The following PAX3 variants were observed in gnomAD, a reference collection of about 807,000 sequenced individuals.
The protein encoded by PAX3 is paired box protein Pax-3.
In PAX3, 14 loss-of-function variants were observed where a neutral mutation model predicts 51.6. The ratio of observed to expected loss-of-function variants is 0.27; its 90% CI spans 0.18 to 0.42. PAX3 has a LOEUF of 0.42. Among genes scored for constraint, PAX3 ranks in the 10% least tolerant of loss-of-function variants. The pLI is 1.00. For synonymous variants in PAX3, 280 were observed against 253.4 expected, an observed-to-expected ratio of 1.11 and a Z score of -1.00; for missense variants, 540 against 642.8, an observed-to-expected ratio of 0.84 and a Z score of 1.73.
At chr2:222,251,494 T>C (rs1693431268) in intron 4 of PAX3, among the ~76,000 whole-genome samples, 1 of 152,232 alleles carries the variant, frequency 6.6e-6, no homozygotes, top group Non-Finnish European at 1.5e-5. Flanking sequence ...CACATTTTCT[T>C]AATCCAGTCT....
chr2:222,286,377 T>A (rs1694834873), intron 4 of PAX3, among the ~76,000 whole-genome samples: 2 of 152,230 alleles, frequency 1.3e-5, no homozygotes, highest in South Asian at 4.1e-4. Flanking sequence ...TAAGAAAGTA[T>A]AGTCAAGGAA....
intron 4 of PAX3, among the ~76,000 whole-genome samples, chr2:222,271,845 T>G (rs1425330092): frequency 6.6e-6 from 1 of 152,202 alleles, no homozygotes; most frequent in East Asian, 1.9e-4. Flanking sequence ...GCTTCTGAAA[T>G]TCAGTTCCAC....
At chr2:222,205,086 A>C (rs1212064177) in intron 7 of PAX3, among the ~76,000 whole-genome samples, 1 of 152,222 alleles carries the variant, frequency 6.6e-6, no homozygotes, top group African/African-American at 2.4e-5. Context: ...CCTATAAGCA[A>C]AAATCAGCTT....
rs577951528 is a variant in PAX3, at chr2:222,273,695, C to T, written c.586+20472G>A. On this transcript the variant is annotated intron_variant, in intron 4 of 8. Coordinates refer to ENST00000392070, the MANE Select transcript of PAX3 (RefSeq NM_181458.4). Reference sequence around the variant, plus strand: ...AATTAATATTCAATTGTATTTAAAGCTGCACAAAGCTTAGCAGAAATGATT... The same window carrying T: ...AATTAATATTCAATTGTATTTAAAGTTGCACAAAGCTTAGCAGAAATGATT... Among the ~76,000 whole-genome samples the T allele has an allele frequency of 2.0e-5, 3 of 152,320 alleles. No individual in the cohort carries two copies. The South Asian group carries it at 6.2e-4, about 32-fold the overall frequency.
chr2:222,269,868 G>A (rs1025998395), intron 4 of PAX3, among the ~76,000 whole-genome samples: 1 of 152,164 alleles, frequency 6.6e-6, no homozygotes, highest in Non-Finnish European at 1.5e-5. Flanking sequence ...ATGTGCTAGT[G>A]AGCTCAAGAC....
intron 5 of PAX3, among the ~76,000 whole-genome samples, chr2:222,230,562 T>A (rs1307231366): frequency 2.0e-5 from 3 of 151,906 alleles, no homozygotes; most frequent in African/African-American, 7.3e-5. Flanking sequence ...TAAAGTATAA[T>A]TTTTTAAAAA....
At position 222,221,157 on chromosome 2, in the gene PAX3, TA is replaced by T. The variant is rs1692176423; in HGVS notation, c.958+64del. The stretch of plus-strand genomic sequence containing the variant: ...AGTACTGCAGAAGGATTCACTTGTA[TA>T]AAATATCCACCAGAGAAATCGCCTG... On this transcript the variant is annotated intron_variant, in intron 6 of 8. Transcript: ENST00000392070. 3 of 1,485,480 alleles carry T rather than the reference TA, an allele frequency of 2.0e-6. No individual in the cohort carries two copies. In the African/African-American group the frequency reaches 4.1e-5, roughly 21 times the overall value. 92.0% of individuals were successfully genotyped at this position (1,485,480 alleles called of 1,614,324 possible). A position where few individuals can be genotyped will look rare whatever the true frequency, so the allele number is the denominator to read the frequency against.
chr2:222,249,651 C>T (rs962945763), intron 4 of PAX3, among the ~76,000 whole-genome samples: 2 of 152,162 alleles, frequency 1.3e-5, no homozygotes, highest in African/African-American at 4.8e-5. Flanking sequence ...CACATGACCA[C>T]GTGACACATT....
At chr2:222,295,028 C>A (rs901823241) in intron 3 of PAX3, among the ~76,000 whole-genome samples, 1 of 151,944 alleles carries the variant, frequency 6.6e-6, no homozygotes, top group Non-Finnish European at 1.5e-5. Flanking sequence ...TCGCTGGCCC[C>A]GTGCTTGCCC....
chr2:222,261,101 G>GT (rs1693846221), intron 4 of PAX3, among the ~76,000 whole-genome samples: 1 of 152,150 alleles, frequency 6.6e-6, no homozygotes, highest in African/African-American at 2.4e-5. Context: ...TCAATATACA[G>GT]TTTTTTCAAA....
intron 4 of PAX3, among the ~76,000 whole-genome samples, chr2:222,275,720 T>C (rs73063741): frequency 0.099 from 15,090 of 152,262 alleles, 816 homozygotes; most frequent in South Asian, 0.17. Context: ...AAATATTTCT[T>C]ACATTCTTTC....
intron 4 of PAX3, among the ~76,000 whole-genome samples, chr2:222,278,291 C>G (rs1052641269): frequency 1.3e-5 from 2 of 152,074 alleles, no homozygotes; most frequent in Non-Finnish European, 2.9e-5. Flanking sequence ...AAGCCTCCCC[C>G]ACCCCCAGCC....
At chr2:222,287,647 C>T (rs974492879) in intron 4 of PAX3, 1 of 152,216 alleles carries the variant, frequency 6.6e-6, no homozygotes, top group Non-Finnish European at 1.5e-5. Flanking sequence ...GGAACCATAA[C>T]AAATCTGAGC....
chr2:222,224,768 A>AT (rs1279920772), intron 5 of PAX3, among the ~76,000 whole-genome samples: 1 of 152,168 alleles, frequency 6.6e-6, no homozygotes, highest in Non-Finnish European at 1.5e-5. Flanking sequence ...GCAGAATGGC[A>AT]TGTGTGAGTG....
intron 4 of PAX3, among the ~76,000 whole-genome samples, chr2:222,279,304 C>CGTGT (rs57076966): frequency 0.23 from 34,710 of 147,920 alleles, 4,416 homozygotes; most frequent in South Asian, 0.5. Flanking sequence ...CAAGCCTGTG[C>CGTGT]GTGTGTGTGT....
At chr2:222,293,366 C>A (rs1695116849) in intron 4 of PAX3, among the ~76,000 whole-genome samples, 1 of 152,084 alleles carries the variant, frequency 6.6e-6, no homozygotes, top group Non-Finnish European at 1.5e-5. Flanking sequence ...GCGTTTGTAC[C>A]CTTAAAGTTT....
In PAX3 at chr2:222,216,723, CACAGAGAGAG is replaced by C. The variant is rs994056417; in HGVS notation, c.1173+3407_1173+3416del. On this transcript the variant is annotated intron_variant, in intron 7 of 8. Coordinates refer to ENST00000392070, the MANE Select transcript of PAX3 (RefSeq NM_181458.4). ...ATACACAAACACACACACACACACA[CACAGAGAGAG>C]AGAGAGAGATGCTTTGGCTATCCTT... Among the ~76,000 whole-genome samples, 303 of 149,256 alleles carry C rather than the reference CACAGAGAGAG, an allele frequency of 2.0e-3. 1 individual carries two copies. Among genetic ancestry groups the C allele is most frequent in the Non-Finnish European group, 3.9e-3 (263 of 67,418 alleles).
At chr2:222,266,769 C>A (rs1311828236) in intron 4 of PAX3, among the ~76,000 whole-genome samples, 2 of 152,158 alleles carry the variant, frequency 1.3e-5, no homozygotes, top group Non-Finnish European at 2.9e-5. Context: ...AATTCTCTTC[C>A]CCTATGATTT....
chr2:222,260,958 T>G (rs1693841240), intron 4 of PAX3, among the ~76,000 whole-genome samples: 1 of 152,202 alleles, frequency 6.6e-6, no homozygotes, highest in Non-Finnish European at 1.5e-5. Flanking sequence ...TTAGACTTTT[T>G]ACAAATAGTT....
Sources: gnomAD v4.1 joint callset for allele counts (sites outside exome capture counted in the v4.1 genomes callset) on GRCh38, gnomAD v4.1.1 for gene constraint, MANE v1.5 for transcripts, NCBI Gene and HGNC (gene_info 2026-07-23, HGNC 2026-07-21) for gene names.